The following CPEB3 variants were observed in gnomAD, a reference collection of about 807,000 sequenced individuals.
CPEB3 encodes cytoplasmic polyadenylation element-binding protein 3.
A neutral mutation model predicts 67.2 loss-of-function variants in CPEB3; 20 were observed. That is an observed-to-expected ratio of 0.30 (90% CI 0.21 to 0.43). The LOEUF (loss-of-function observed/expected upper bound fraction) is 0.43. Ranked by LOEUF, CPEB3 falls within the 20% of genes least tolerant of loss-of-function variation. CPEB3 has a pLI of 1.00. For missense variants in CPEB3, 746 were observed against 968.6 expected (o/e 0.77, Z 3.05); for synonymous variants, 376 against 393.1 (o/e 0.96, Z 0.51).
At chr10:92,107,591 AC>A (rs1156708689) in intron 7 of CPEB3, among the ~76,000 whole-genome samples, 1 of 152,138 alleles carries the variant, frequency 6.6e-6, no homozygotes, top group Non-Finnish European at 1.5e-5. Flanking sequence ...AAATAGAGTC[AC>A]TTTGATGAGA....
intron 2 of CPEB3, among the ~76,000 whole-genome samples, chr10:92,206,720 T>G (rs1461055955): frequency 6.6e-6 from 1 of 152,214 alleles, no homozygotes; most frequent in East Asian, 1.9e-4. Flanking sequence ...TTTAATAACC[T>G]TCAGATAGCT....
chr10:92,132,199 C>T (rs775519977), intron 6 of CPEB3, among the ~76,000 whole-genome samples: 5 of 152,116 alleles, frequency 3.3e-5, no homozygotes, highest in Non-Finnish European at 7.4e-5. Context: ...ATAAACTGTG[C>T]ATTTCTTGAG....
intron 6 of CPEB3, among the ~76,000 whole-genome samples, chr10:92,125,211 C>T (rs1321141879): frequency 2.6e-5 from 4 of 152,186 alleles, no homozygotes; most frequent in African/African-American, 9.7e-5. Context: ...AGCTGTGTGC[C>T]TATTACTATT....
At chr10:92,073,636 G>A (rs1842838106) in intron 9 of CPEB3, among the ~76,000 whole-genome samples, 1 of 151,748 alleles carries the variant, frequency 6.6e-6, no homozygotes, top group South Asian at 2.1e-4. Flanking sequence ...TTGGCGAGAT[G>A]AGGGTCTTGT....
intron 1 of CPEB3, among the ~76,000 whole-genome samples, chr10:92,245,189 G>A (rs188970733): frequency 0.012 from 1,724 of 144,618 alleles, 19 homozygotes; most frequent in Non-Finnish European, 0.019. Context: ...CCAGGCTGGA[G>A]TGCAGTGGTG....
chr10:92,048,053 A>G lies in CPEB3; in HGVS notation c.*4159T>C, dbSNP rs1275487916. On this transcript the variant is annotated 3_prime_UTR_variant, in exon 10 of 10. Coordinates refer to ENST00000265997, the MANE Select transcript of CPEB3 (RefSeq NM_014912.5). This position sits in a 1 kb window ranked among gnomAD's most constrained non-coding sequence, Gnocchi z 4.1. ...CAGACAGATCATGCACGCAGTTGCC[A>G]CAATGAAAGGCAAGGGGCACCAGAA... is the stretch of plus-strand genomic sequence containing the variant. 6.6e-6 allele frequency: 1 copy of G among 152,378 alleles called. No individual in the cohort carries two copies. The highest frequency in any genetic ancestry group is 1.5e-5 in the Non-Finnish European group (1 of 68,148). 9.4% of individuals were successfully genotyped at this position (152,378 alleles called of 1,614,324 possible).
chr10:92,161,864 T>C (rs1220594702), intron 4 of CPEB3, among the ~76,000 whole-genome samples: 1 of 151,950 alleles, frequency 6.6e-6, no homozygotes, highest in East Asian at 1.9e-4. Flanking sequence ...GGTTTCATCA[T>C]ATTGGCCAGG....
chr10:92,143,389 T>C (rs1298322535), intron 5 of CPEB3, among the ~76,000 whole-genome samples: 1 of 152,234 alleles, frequency 6.6e-6, no homozygotes, highest in Non-Finnish European at 1.5e-5. Flanking sequence ...GGAAGAAAAG[T>C]ATCTCATATT....
chr10:92,060,617 G>C (rs904550738), intron 9 of CPEB3, among the ~76,000 whole-genome samples: 5 of 152,126 alleles, frequency 3.3e-5, no homozygotes, highest in Non-Finnish European at 7.4e-5. Context: ...CTACCCATCT[G>C]ACAAGGGATT....
chr10:92,261,773 G>GGACT (rs1852811691), intron 1 of CPEB3, among the ~76,000 whole-genome samples: 1 of 152,036 alleles, frequency 6.6e-6, no homozygotes, highest in Non-Finnish European at 1.5e-5. Flanking sequence ...TTCTACAAAG[G>GGACT]GACTATGTGA....
At chr10:92,147,124 C>T (rs565627709) in intron 4 of CPEB3, among the ~76,000 whole-genome samples, 2 of 152,230 alleles carry the variant, frequency 1.3e-5, no homozygotes, top group South Asian at 4.1e-4. Context: ...GCTTTTCCAC[C>T]TCAGAAAATA....
chr10:92,221,291 G>A lies in CPEB3; in HGVS notation c.1005+18055C>T, dbSNP rs149408902. On this transcript the variant is annotated intron_variant, in intron 2 of 9. Coordinates refer to ENST00000265997, the MANE Select transcript of CPEB3 (RefSeq NM_014912.5). The stretch of plus-strand genomic sequence containing the variant: ...GTGGATCACTTGAGGTCAGGAGTTC[G>A]AGACCACCCTGGACAATATGATGAA... 5.7e-3 allele frequency among the ~76,000 whole-genome samples: 860 copies of A among 152,046 alleles called. 9 individuals are homozygous for A. The highest frequency in any genetic ancestry group is 0.02 in the African/African-American group (820 of 41,460).
chr10:92,240,862 A>AAAAAAC (rs1554931440), intron 1 of CPEB3, among the ~76,000 whole-genome samples: 26 of 151,436 alleles, frequency 1.7e-4, no homozygotes, highest in South Asian at 4.2e-4. Context: ...CACTTTTTAA[A>AAAAAAC]AAAACAAAAC....
intron 2 of CPEB3, among the ~76,000 whole-genome samples, chr10:92,208,734 C>T (rs541153029): frequency 2.1e-4 from 32 of 152,146 alleles, no homozygotes; most frequent in African/African-American, 7.5e-4. Flanking sequence ...GCTGAGACCA[C>T]AGGTGCACAC....
Position 92,171,922 on chromosome 10 carries a change from T to C in CPEB3, c.1222+9041A>G, listed in dbSNP as rs926400111. On this transcript the variant is annotated intron_variant, in intron 4 of 9. Coordinates refer to ENST00000265997, the MANE Select transcript of CPEB3 (RefSeq NM_014912.5). Reference sequence around the variant, plus strand: ...TGAGCCACCGCACCCAGCCTTGGTGTATATTTCTTGCCAGATATGGTATTA... The same window carrying C: ...TGAGCCACCGCACCCAGCCTTGGTGCATATTTCTTGCCAGATATGGTATTA... Among the ~76,000 whole-genome samples, 5 of 152,186 alleles carry C rather than the reference T, an allele frequency of 3.3e-5. No homozygotes were observed. In the South Asian group the frequency reaches 1.0e-3, roughly 31 times the overall value.
At chr10:92,087,494 T>C (rs1038222683) in intron 8 of CPEB3, among the ~76,000 whole-genome samples, 3 of 152,214 alleles carry the variant, frequency 2.0e-5, no homozygotes, top group Admixed American at 6.5e-5. Flanking sequence ...GAACAGTTTA[T>C]ATGCTTCTAA....
At chr10:92,091,783 TTTG>T (rs753962299) in intron 8 of CPEB3, 44 bp downstream of exon 8, 16 of 1,179,662 alleles carry the variant, frequency 1.4e-5, no homozygotes, top group South Asian at 2.6e-5. Flanking sequence ...CATTGGGGAT[TTTG>T]TTGTTGTTGG....
intron 5 of CPEB3, among the ~76,000 whole-genome samples, chr10:92,144,649 G>A (rs1846594727): frequency 6.6e-6 from 1 of 152,166 alleles, no homozygotes; most frequent in South Asian, 2.1e-4. Context: ...AGTTGCAACT[G>A]CACCATCAGC....
At chr10:92,214,601 G>A (rs1850253364) in intron 2 of CPEB3, among the ~76,000 whole-genome samples, 2 of 151,894 alleles carry the variant, frequency 1.3e-5, no homozygotes. Context: ...TCCTGCCTCA[G>A]TCCCCCAAGT....
Sources: allele counts gnomAD v4.1 joint callset (sites outside exome capture counted in the v4.1 genomes callset), GRCh38; gene constraint gnomAD v4.1.1; non-coding constraint Gnocchi (gnomAD v3.1); transcripts MANE v1.5; gene names NCBI Gene and HGNC (gene_info 2026-07-23, HGNC 2026-07-21).